Variants in AGBL1 observed in about 807,000 individuals in gnomAD.
AGBL1 encodes cytosolic carboxypeptidase 4.
Under a neutral mutation model 118.9 loss-of-function variants are expected in AGBL1, and 130 were observed. That is an observed-to-expected ratio of 1.09 (90% CI 0.95 to 1.26). The LOEUF is 1.26. Ranked by LOEUF, AGBL1 falls within the 50% of genes most tolerant of loss-of-function variation. The probability of loss-of-function intolerance (pLI) is 0.00; values close to 1 mark genes in which losing one functional copy is unlikely to be tolerated. For synonymous variants in AGBL1, 555 were observed against 478.9 expected (o/e 1.16, Z -2.08); for missense variants, 1,584 against 1,298.1 (o/e 1.22, Z -3.38).
chr15:86,839,529 G>T (rs762594730), intron 22 of AGBL1, among the ~76,000 whole-genome samples: 1 of 152,028 alleles, frequency 6.6e-6, no homozygotes, highest in South Asian at 2.1e-4. Flanking sequence ...CTCAGCTTTC[G>T]CACTACTGAT....
At chr15:86,119,655 T>TTGTGTGTGTG (rs59997626) in intron 1 of AGBL1, among the ~76,000 whole-genome samples, 94 of 148,688 alleles carry the variant, frequency 6.3e-4, no homozygotes, top group African/African-American at 1.8e-3. Flanking sequence ...GAAAAGTAGT[T>TTGTGTGTGTG]TGTGTGTGTG....
At chr15:86,442,330 G>T (rs1300835326) in intron 18 of AGBL1, among the ~76,000 whole-genome samples, 1 of 152,190 alleles carries the variant, frequency 6.6e-6, no homozygotes, top group Non-Finnish European at 1.5e-5. Flanking sequence ...GAATCAGACA[G>T]AGCTGGTTTC....
At chr15:86,979,749 CG>C (rs1218014703) in intron 23 of AGBL1, among the ~76,000 whole-genome samples, 1 of 152,006 alleles carries the variant, frequency 6.6e-6, no homozygotes, top group East Asian at 1.9e-4. Context: ...GTGATCTGCC[CG>C]CCTTGGCCTT....
chr15:86,251,139 G>A (rs1457400166), intron 7 of AGBL1, among the ~76,000 whole-genome samples: 1 of 152,144 alleles, frequency 6.6e-6, no homozygotes, highest in Non-Finnish European at 1.5e-5. Context: ...TTTTGAGGTA[G>A]GATCTATTAT....
At chr15:86,192,097 T>C (rs2077732125) in intron 5 of AGBL1, among the ~76,000 whole-genome samples, 1 of 151,348 alleles carries the variant, frequency 6.6e-6, no homozygotes, top group African/African-American at 2.4e-5. Context: ...AGATCCTGTC[T>C]CTCCCACTCC....
rs536192614 is a variant in AGBL1, at chr15:87,004,715, A to G, written c.3323+16627A>G. Among the ~76,000 whole-genome samples, 9 of 152,262 alleles carry G rather than the reference A, an allele frequency of 5.9e-5. 1 individual carries two copies. Among genetic ancestry groups the G allele is most frequent in the African/African-American group, 2.2e-4 (9 of 41,554 alleles). On this transcript the variant is annotated intron_variant, in intron 24 of 24. Transcript: ENST00000441037. ...TTAAGGTTAATATTGTTATCTGTGAATTTGATCCTGTCATTATGATGTTAG... is the reference window on the plus strand; with the variant it reads ...TTAAGGTTAATATTGTTATCTGTGAGTTTGATCCTGTCATTATGATGTTAG...
At chr15:86,153,617 C>A (rs1422095286) in intron 3 of AGBL1, among the ~76,000 whole-genome samples, 2 of 152,140 alleles carry the variant, frequency 1.3e-5, no homozygotes, top group Non-Finnish European at 2.9e-5. Context: ...ATGTAACAAA[C>A]CTGCACGTTG....
chr15:86,678,698 G>A (rs567301180), intron 22 of AGBL1, among the ~76,000 whole-genome samples: 4 of 152,024 alleles, frequency 2.6e-5, no homozygotes, highest in African/African-American at 9.6e-5. Context: ...GGATAAACCT[G>A]TCTACCTCGG....
At chr15:86,360,160 A>G (rs914343918) in intron 17 of AGBL1, among the ~76,000 whole-genome samples, 22 of 151,916 alleles carry the variant, frequency 1.4e-4, no homozygotes, top group African/African-American at 4.6e-4. Flanking sequence ...ATTGATTATC[A>G]TGTGATCTGT....
At chr15:86,931,710 G>T (rs1039537069) in intron 23 of AGBL1, among the ~76,000 whole-genome samples, 1 of 151,938 alleles carries the variant, frequency 6.6e-6, no homozygotes, top group African/African-American at 2.4e-5. Flanking sequence ...GGTGGAGGGG[G>T]GACCTTGGGT....
chr15:86,356,910 T>G (rs1006478837), intron 17 of AGBL1, among the ~76,000 whole-genome samples: 1 of 152,200 alleles, frequency 6.6e-6, no homozygotes. Flanking sequence ...GTAAGCAACA[T>G]ACGTACCAAT....
intron 5 of AGBL1, among the ~76,000 whole-genome samples, chr15:86,195,040 A>G (rs2077779921): frequency 6.6e-6 from 1 of 152,078 alleles, no homozygotes; most frequent in African/African-American, 2.4e-5. Flanking sequence ...CAATTGATCT[A>G]TGAGGGTTTT....
Position 86,567,920 on chromosome 15 carries a change from G to A in AGBL1, c.2994+13383G>A, listed in dbSNP as rs1018305016. On this transcript the variant is annotated intron_variant, in intron 21 of 22. Coordinates refer to ENST00000614907, the MANE Select transcript of AGBL1 (RefSeq NM_001386094.1). The stretch of plus-strand genomic sequence containing the variant: ...GACCAGTTACTGAGAGACTGAGGCA[G>A]GATAGTCAGACCAGATGTAAAAGGT... 2.0e-5 allele frequency among the ~76,000 whole-genome samples: 3 copies of A among 152,224 alleles called. No individual in the cohort carries two copies. The East Asian group carries it at 5.8e-4, about 29-fold the overall frequency.
intron 21 of AGBL1, among the ~76,000 whole-genome samples, chr15:86,657,053 G>T (rs2085471848): frequency 6.6e-6 from 1 of 152,064 alleles, no homozygotes; most frequent in Non-Finnish European, 1.5e-5. Context: ...AAGATCATTA[G>T]GTTTCTCTCA....
At chr15:86,108,319 G>T (rs943698196) in intron 1 of AGBL1, among the ~76,000 whole-genome samples, 7 of 152,156 alleles carry the variant, frequency 4.6e-5, no homozygotes. Flanking sequence ...AGTGTCTTCT[G>T]TTTAAGGGCA....
intron 22 of AGBL1, among the ~76,000 whole-genome samples, chr15:86,788,065 G>A (rs1032167835): frequency 6.6e-6 from 1 of 152,154 alleles, no homozygotes; most frequent in Non-Finnish European, 1.5e-5. Flanking sequence ...AAAGTAGAAG[G>A]ATGAGGAAAT....
At chr15:86,486,911 G>T (rs2082719800) in intron 18 of AGBL1, among the ~76,000 whole-genome samples, 2 of 152,000 alleles carry the variant, frequency 1.3e-5, no homozygotes, top group African/African-American at 2.4e-5. Flanking sequence ...CCCAGCTTGA[G>T]TCTTGGATGC....
chr15:86,167,561 C>T (rs935678756), intron 5 of AGBL1, among the ~76,000 whole-genome samples: 1 of 152,194 alleles, frequency 6.6e-6, no homozygotes, highest in East Asian at 1.9e-4. Flanking sequence ...ACTGATATTT[C>T]TAATAGAATT....
intron 21 of AGBL1, among the ~76,000 whole-genome samples, chr15:86,640,712 C>T (rs1596329845): frequency 6.6e-6 from 1 of 152,036 alleles, no homozygotes; most frequent in Non-Finnish European, 1.5e-5. Context: ...TCATTGTCTA[C>T]AGCCCTAGTT....
Sources: gnomAD v4.1 joint callset for allele counts (sites outside exome capture counted in the v4.1 genomes callset) on GRCh38, gnomAD v4.1.1 for gene constraint, MANE v1.5 for transcripts, NCBI Gene and HGNC (gene_info 2026-07-23, HGNC 2026-07-21) for gene names.